DTX3L: variants seen among roughly 807,000 people sequenced by gnomAD.
DTX3L encodes the protein deltex E3 ubiquitin ligase 3L, also known as E3 ubiquitin-protein ligase DTX3L.
In DTX3L, 34 loss-of-function variants were observed where a neutral mutation model predicts 60.9. That is an observed-to-expected ratio of 0.56 (90% CI 0.42 to 0.74). The LOEUF (loss-of-function observed/expected upper bound fraction) is 0.74. Among genes scored for constraint, DTX3L ranks in the 30% least tolerant of loss-of-function variants. DTX3L has a pLI of 0.00. For missense variants in DTX3L, 810 were observed against 874.0 expected, an observed-to-expected ratio of 0.93 and a Z score of 0.92; for synonymous variants, 290 against 316.6, an observed-to-expected ratio of 0.92 and a Z score of 0.89.
Position 122,572,740 on chromosome 3 carries a change from G to T in DTX3L, c.*993G>T, listed in dbSNP as rs2080654284. 1.3e-5 allele frequency: 2 copies of T among 152,094 alleles called. No homozygotes were observed. The highest frequency in any genetic ancestry group is 4.1e-4 in the South Asian group (2 of 4,824). The allele number at this position is 152,094 out of a possible 1,614,324, so 9.4% of individuals were successfully genotyped here. A position where few individuals can be genotyped will look rare whatever the true frequency, so the allele number is the denominator to read the frequency against. On this transcript the variant is annotated 3_prime_UTR_variant, in exon 5 of 5. Transcript: ENST00000296161. The stretch of plus-strand genomic sequence containing the variant: ...TTACAGGTGTGTGCCTCCACACCCG[G>T]CTAATTTTTTGTATTTTTAGTAGAG...
rs912523877 is a variant in DTX3L, at chr3:122,565,726, C to G, written c.188-133C>G. The G allele has an allele frequency of 1.0e-5, 8 of 799,140 alleles. No individual in the cohort carries two copies. In the African/African-American group the frequency reaches 1.4e-4, roughly 14 times the overall value. 49.5% of individuals were successfully genotyped at this position (799,140 alleles called of 1,614,324 possible). On this transcript the variant is annotated intron_variant, in intron 1 of 4. Transcript: ENST00000296161. ...CCCGACTTTCTCCATCGCCAACCCA[C>G]CATTCCAGGATGCAGGGAGCAGCCT...
rs779605900 is a variant in DTX3L at position 122,570,507 on chromosome 3, A to G, written c.1988A>G (p.Tyr663Cys). 1 of 1,614,184 alleles carries G rather than the reference A, an allele frequency of 6.2e-7. No homozygotes were observed. Among genetic ancestry groups the G allele is most frequent in the East Asian group, 2.2e-5 (1 of 44,870 alleles). Residue 663 changes from tyrosine (Y) to cysteine (C), a missense_variant, in exon 4 of 5, where the codon TAC becomes TGC. Physicochemically the swap from Tyr to Cys is radical, Grantham distance 194. Transcript: ENST00000296161. ...KRYPGIQRTA[Y>C]LPDNKEGRKV... Reference sequence around the variant, plus strand: ...TACCCTGGAATACAGCGAACTGCATACTTGCCTGATAATAAGGAAGGAAGG... The same window carrying G: ...TACCCTGGAATACAGCGAACTGCATGCTTGCCTGATAATAAGGAAGGAAGG...
At position 122,569,624 on chromosome 3, in the gene DTX3L, T is replaced by G; in HGVS notation, c.1535T>G (p.Met512Arg). The change falls in exon 3 of 5, where the codon ATG (methionine) becomes AGG (arginine). Residue 512 changes from methionine (M) to arginine (R), a missense_variant. Coordinates refer to ENST00000296161, the MANE Select transcript of DTX3L (RefSeq NM_138287.3). Reference sequence around the variant, plus strand: ...CAGTATGTTCTAAAAGGAGGAGGAATGTCTTCATTGGCTGGAAAGAAATTG... The same window carrying G: ...CAGTATGTTCTAAAAGGAGGAGGAAGGTCTTCATTGGCTGGAAAGAAATTG... Reference protein sequence around the residue: ...AKQYVLKGGGMSSLAGKKLKE... With the variant: ...AKQYVLKGGGRSSLAGKKLKE... 1 of 1,614,184 alleles carries G rather than the reference T, an allele frequency of 6.2e-7. No homozygotes were observed. The highest frequency in any genetic ancestry group is 8.5e-7 in the Non-Finnish European group (1 of 1,180,036).
At chr3:122,568,443 G>T in intron 2 of DTX3L, 46 bp from the exon 3 acceptor site, 1 of 1,477,532 alleles carries the variant, frequency 6.8e-7, no homozygotes, top group Non-Finnish European at 9.0e-7. Context: ...TGGTAGGCCT[G>T]CATGCTGAGA....
intron 3 of DTX3L, 22 bp from the exon 4 acceptor site, chr3:122,570,433 A>G (rs1445938771): frequency 1.4e-5 from 23 of 1,612,102 alleles, no homozygotes; most frequent in Non-Finnish European, 2.0e-5. Flanking sequence ...TTTTCACATG[A>G]CATTTTCTTG....
chr3:122,566,803 G>A (rs1326506780), intron 2 of DTX3L, among the ~76,000 whole-genome samples: 1 of 152,180 alleles, frequency 6.6e-6, no homozygotes, highest in East Asian at 1.9e-4. Flanking sequence ...AGGAGCTGGG[G>A]AGGCAGCCAG....
chr3:122,570,137 G>A (rs1406529894), intron 3 of DTX3L, 113 bp downstream of exon 3: 2 of 1,178,892 alleles, frequency 1.7e-6, no homozygotes, highest in Non-Finnish European at 1.2e-6. Flanking sequence ...TTATCTCCAG[G>A]GTCATGTGCA....
rs2080518486 is a variant in DTX3L at position 122,564,616 on chromosome 3, G to A, written c.187+3G>A. The A allele has an allele frequency of 6.3e-7, 1 of 1,583,704 alleles. No homozygotes were observed. The highest frequency in any genetic ancestry group is 8.6e-7 in the Non-Finnish European group (1 of 1,166,906). On this transcript the variant is annotated splice_donor_region_variant and intron_variant, in intron 1 of 4. Coordinates refer to ENST00000296161, the MANE Select transcript of DTX3L (RefSeq NM_138287.3). ...GGTGGAGTTCAGTGAAAGGGCAGGT[G>A]AGCTTCGGGCGGCCAGGCTGCGAAA...
Position 122,569,337 on chromosome 3 carries a change from C to A in DTX3L, c.1248C>A (p.Thr416=). The part of the protein sequence containing the change: ...CSKVSEKGQK[T]CILFESKDRQ... ...AGGTTTCTGAGAAAGGTCAGAAAAC[C>A]TGCATTCTGTTTGAATCCAAGGACA... The change falls in exon 3 of 5, where the codon ACC becomes ACA. Residue 416 remains threonine, a synonymous_variant. Transcript: ENST00000296161. 1 of 1,614,136 alleles carries A rather than the reference C, an allele frequency of 6.2e-7. No individual in the cohort carries two copies. The highest frequency in any genetic ancestry group is 1.1e-5 in the South Asian group (1 of 91,074).
intron 1 of DTX3L, among the ~76,000 whole-genome samples, chr3:122,565,567 A>G (rs1161619880): frequency 6.6e-6 from 1 of 151,404 alleles, no homozygotes; most frequent in East Asian, 1.9e-4. Flanking sequence ...GAGGGAAAGA[A>G]GGAAGAAGGA....
rs753682905 is a variant in DTX3L at position 122,566,004 on chromosome 3, A to G, written c.333A>G (p.Thr111=). ...CACTGACACAATCACAAGCAGAAAC[A>G]CCGTCTGGTGATATGCATCAACATG... The part of the protein sequence containing the change: ...ISSLTQSQAE[T]PSGDMHQHEG... Residue 111 remains threonine (T), a synonymous_variant, in exon 2 of 5, where the codon ACA becomes ACG. Coordinates refer to ENST00000296161, the MANE Select transcript of DTX3L (RefSeq NM_138287.3). The G allele has an allele frequency of 3.0e-5, 49 of 1,614,064 alleles. No individual in the cohort carries two copies. Among genetic ancestry groups the G allele is most frequent in the Non-Finnish European group, 4.2e-5 (49 of 1,180,040 alleles).
intron 2 of DTX3L, among the ~76,000 whole-genome samples, chr3:122,568,170 G>T (rs556273767): frequency 6.6e-6 from 1 of 152,182 alleles, no homozygotes; most frequent in Non-Finnish European, 1.5e-5. Context: ...TTAGCCGGGC[G>T]TGGTGGCACA....
chr3:122,564,340 A>C lies in DTX3L; in HGVS notation c.-87A>C, dbSNP rs1245767897. The stretch of plus-strand genomic sequence containing the variant: ...GGGACCTCCAGGGAAGCGAAACTGA[A>C]ACTTTGCGCCCAGTCCGCAGGGCGG... On this transcript the variant is annotated 5_prime_UTR_variant, in exon 1 of 5. Transcript: ENST00000296161. 10 of 1,442,448 alleles carry C rather than the reference A, an allele frequency of 6.9e-6. No homozygotes were observed. The highest frequency in any genetic ancestry group is 8.3e-6 in the Non-Finnish European group (9 of 1,080,288). 89.4% of individuals were successfully genotyped at this position (1,442,448 alleles called of 1,614,324 possible). A position where few individuals can be genotyped will look rare whatever the true frequency, so the allele number is the denominator to read the frequency against.
At chr3:122,566,121 C>A in intron 2 of DTX3L, 51 bp downstream of exon 2, 1 of 1,518,602 alleles carries the variant, frequency 6.6e-7, no homozygotes, top group Non-Finnish European at 9.1e-7. Context: ...TCTCCAGTCA[C>A]CAGCCTCATG....
rs772325494 is a variant in DTX3L, at chr3:122,564,607, A to G, written c.181A>G (p.Arg61Gly). Residue 61 changes from arginine (R) to glycine (G), a missense_variant, in exon 1 of 5, where the codon AGG (arginine) becomes GGG (glycine). Coordinates refer to ENST00000296161, the MANE Select transcript of DTX3L (RefSeq NM_138287.3). ...CACCTTCCGGGTGGAGTTCAGTGAA[A>G]GGGCAGGTGAGCTTCGGGCGGCCAG... ...PGTFRVEFSE[R>G]AAKERVLKKG... 2 of 1,589,528 alleles carry G rather than the reference A, an allele frequency of 1.3e-6. No homozygotes were observed. Among genetic ancestry groups the G allele is most frequent in the African/African-American group, 2.8e-5 (2 of 72,558 alleles).
rs570639476 is a variant in DTX3L, at chr3:122,573,797, A to C, written c.*2050A>C. 6.6e-6 allele frequency: 1 copy of C among 152,372 alleles called. No individual in the cohort carries two copies. The highest frequency in any genetic ancestry group is 1.9e-4 in the East Asian group (1 of 5,190). 9.4% of individuals were successfully genotyped at this position (152,372 alleles called of 1,614,324 possible). A position where few individuals can be genotyped will look rare whatever the true frequency, so the allele number is the denominator to read the frequency against. On this transcript the variant is annotated 3_prime_UTR_variant, in exon 5 of 5. Coordinates refer to ENST00000296161, the MANE Select transcript of DTX3L (RefSeq NM_138287.3). ...TCTAGATAATTTTATATTTTTGAGT[A>C]TACCCCACTTCCAAGTGTTTTTTGT...
At chr3:122,570,941 T>TA (rs1301991811) in intron 4 of DTX3L, among the ~76,000 whole-genome samples, 2 of 152,212 alleles carry the variant, frequency 1.3e-5, no homozygotes, top group Non-Finnish European at 1.5e-5. Flanking sequence ...TAAGCTGATT[T>TA]AATTTGAGGC....
rs554743325 is a variant in DTX3L, at chr3:122,572,032, C to T, written c.*285C>T. ...CATGCCATTCTCCTACCTCAGCCTCCCGAGTAGCTGGGACTACAGGCGCCC... is the reference window on the plus strand; with the variant it reads ...CATGCCATTCTCCTACCTCAGCCTCTCGAGTAGCTGGGACTACAGGCGCCC... On this transcript the variant is annotated 3_prime_UTR_variant, in exon 5 of 5. Transcript: ENST00000296161. The T allele has an allele frequency of 2.8e-4, 55 of 196,946 alleles. No individual in the cohort carries two copies. Among genetic ancestry groups the T allele is most frequent in the African/African-American group, 1.2e-3 (54 of 43,482 alleles). The allele number at this position is 196,946 out of a possible 1,614,324, so 12.2% of individuals were successfully genotyped here. A position where few individuals can be genotyped will look rare whatever the true frequency, so the allele number is the denominator to read the frequency against.
At chr3:122,565,652 A>G (rs1199973800) in intron 1 of DTX3L, among the ~76,000 whole-genome samples, 3 of 151,954 alleles carry the variant, frequency 2.0e-5, no homozygotes, top group African/African-American at 4.8e-5. Context: ...TTAAGCTTTC[A>G]CTTCTATAGT....
Sources: gnomAD v4.1 joint callset for allele counts (sites outside exome capture counted in the v4.1 genomes callset) on GRCh38, gnomAD v4.1.1 for gene constraint, MANE v1.5 for transcripts, NCBI Gene and HGNC (gene_info 2026-07-23, HGNC 2026-07-21) for gene names.